Variants in PIEZO2 observed in about 807,000 individuals in gnomAD.
PIEZO2 encodes piezo-type mechanosensitive ion channel component 2.
A neutral mutation model predicts 337.3 loss-of-function variants in PIEZO2; 172 were observed. That is an observed-to-expected ratio of 0.51 (90% confidence interval 0.45 to 0.58). The LOEUF is 0.58. Ranked by LOEUF, PIEZO2 falls within the 20% of genes least tolerant of loss-of-function variation. The pLI is 0.00. For synonymous variants in PIEZO2, 1,251 were observed against 1,228.5 expected (o/e 1.02, Z -0.38); for missense variants, 3,028 against 3,391.3 (o/e 0.89, Z 2.66).
chr18:10,816,572 T>C (rs1266932811), intron 7 of PIEZO2, among the ~76,000 whole-genome samples: 2 of 152,176 alleles, frequency 1.3e-5, no homozygotes, highest in African/African-American at 2.4e-5. Context: ...GAAAATTAAT[T>C]ATGCTTACAA....
intron 27 of PIEZO2, among the ~76,000 whole-genome samples, chr18:10,755,519 G>A (rs553746414): frequency 4.3e-4 from 66 of 152,314 alleles, no homozygotes; most frequent in Non-Finnish European, 8.2e-4. Context: ...GAGGCACAGT[G>A]GGCCTGCCCT....
At chr18:10,735,138 G>A (rs1238021330) in intron 35 of PIEZO2, among the ~76,000 whole-genome samples, 94 bp downstream of exon 35, 1 of 152,190 alleles carries the variant, frequency 6.6e-6, no homozygotes, top group East Asian at 1.9e-4. Context: ...CTATAGAACC[G>A]AGAAAATGCA....
chr18:10,875,497 G>C (rs1448015189), intron 4 of PIEZO2, among the ~76,000 whole-genome samples: 2 of 152,182 alleles, frequency 1.3e-5, no homozygotes, highest in African/African-American at 2.4e-5. Flanking sequence ...GGCTGTTTCG[G>C]TGTGGGGCTG....
intron 7 of PIEZO2, among the ~76,000 whole-genome samples, chr18:10,836,492 A>G (rs1289637491): frequency 6.6e-6 from 1 of 152,228 alleles, no homozygotes; most frequent in Non-Finnish European, 1.5e-5. Context: ...GAAAGGAGCT[A>G]CAACTAGAAA....
chr18:11,097,079 C>A lies in PIEZO2; in HGVS notation c.65-30857G>T, dbSNP rs1292703502. Among the ~76,000 whole-genome samples the A allele has an allele frequency of 6.6e-6, 1 of 152,150 alleles. No individual in the cohort carries two copies. Among genetic ancestry groups the A allele is most frequent in the East Asian group, 1.9e-4 (1 of 5,188 alleles). On this transcript the variant is annotated intron_variant, in intron 1 of 55. Coordinates refer to ENST00000674853, the MANE Select transcript of PIEZO2 (RefSeq NM_001378183.1). The surrounding 1 kb of genome is among the most constrained non-coding windows in gnomAD (Gnocchi z 5.0). ...CCAGTGTAGGACGATCTTTTGTATACAAGGCAATTTCATCCTCTCCTTGGA... is the reference window on the plus strand; with the variant it reads ...CCAGTGTAGGACGATCTTTTGTATAAAAGGCAATTTCATCCTCTCCTTGGA...
At position 10,702,058 on chromosome 18, in the gene PIEZO2, C is replaced by G. The variant is rs758499746; in HGVS notation, c.6372G>C (p.Lys2124Asn). The G allele has an allele frequency of 6.5e-6, 10 of 1,536,980 alleles. No individual in the cohort carries two copies. Among genetic ancestry groups the G allele is most frequent in the Non-Finnish European group, 8.7e-6 (10 of 1,146,806 alleles). ...YHPPNIIGVE[K>N]KEGYVLYDLI... is the part of the protein sequence containing the mutation. ...GGTCATAGAGAACATAACCTTCCTT[C>G]TTTTCCACTCCTATGATGTTTGGGG... The change falls in exon 43 of 56, where the codon AAG (lysine) becomes AAC (asparagine). Residue 2124 changes from lysine to asparagine, a missense_variant. By Grantham distance (94) the Lys-to-Asn change is moderately conservative. Around this residue, in one of 5 missense-constraint regions of PIEZO2, gnomAD observed 1,925 missense variants for 2,051.9 expected, o/e 0.94. Coordinates refer to ENST00000674853, the MANE Select transcript of PIEZO2 (RefSeq NM_001378183.1).
intron 1 of PIEZO2, among the ~76,000 whole-genome samples, chr18:11,072,606 C>T (rs530966708): frequency 6.6e-6 from 1 of 152,300 alleles, no homozygotes; most frequent in South Asian, 2.1e-4. Context: ...CTATGCATTT[C>T]ACGTCAATTA....
At chr18:10,963,587 G>C (rs940854770) in intron 3 of PIEZO2, among the ~76,000 whole-genome samples, 2 of 152,096 alleles carry the variant, frequency 1.3e-5, no homozygotes, top group African/African-American at 2.4e-5. Flanking sequence ...CAAATAGATG[G>C]CAGTACTTTT....
Position 11,127,803 on chromosome 18 carries a change from A to G in PIEZO2, c.64+20722T>C, listed in dbSNP as rs12604627. On this transcript the variant is annotated intron_variant, in intron 1 of 55. Transcript: ENST00000674853. This position sits in a 1 kb window ranked among gnomAD's most constrained non-coding sequence, Gnocchi z 4.5. ...TGCATATACGTGTGTGTGTGTGTGC[A>G]TGTGTGTGTGTGTGTGTGTGTGTAT... Among the ~76,000 whole-genome samples, 250 of 146,828 alleles carry G rather than the reference A, an allele frequency of 1.7e-3. No individual in the cohort carries two copies. Among genetic ancestry groups the G allele is most frequent in the African/African-American group, 5.4e-3 (212 of 39,582 alleles).
intron 1 of PIEZO2, among the ~76,000 whole-genome samples, chr18:11,115,811 C>T (rs1372455377): frequency 3.3e-5 from 5 of 151,926 alleles, no homozygotes. Flanking sequence ...AAATAAAATG[C>T]CGTAAGTGCT....
At position 10,894,180 on chromosome 18, in the gene PIEZO2, C is replaced by T. The variant is rs2042831249; in HGVS notation, c.329+17006G>A. 6.6e-6 allele frequency among the ~76,000 whole-genome samples: 1 copy of T among 152,074 alleles called. No individual in the cohort carries two copies. Among genetic ancestry groups the T allele is most frequent in the African/African-American group, 2.4e-5 (1 of 41,414 alleles). ...ATTAAGAGGCAAAATGGGCCAAGTG[C>T]GGTGGCTCACACCTGTAATCCCAGC... On this transcript the variant is annotated intron_variant, in intron 4 of 55. Coordinates refer to ENST00000674853, the MANE Select transcript of PIEZO2 (RefSeq NM_001378183.1). This position sits in a 1 kb window ranked among gnomAD's most constrained non-coding sequence, Gnocchi z 4.1.
chr18:10,816,527 T>C (rs950400518), intron 7 of PIEZO2, among the ~76,000 whole-genome samples: 1 of 152,200 alleles, frequency 6.6e-6, no homozygotes, highest in Non-Finnish European at 1.5e-5. Flanking sequence ...TAATCAGAAA[T>C]GTTTTCAAAG....
intron 7 of PIEZO2, among the ~76,000 whole-genome samples, chr18:10,838,813 G>C (rs2041100132): frequency 6.6e-6 from 1 of 152,172 alleles, no homozygotes; most frequent in Non-Finnish European, 1.5e-5. Context: ...CCCATGACCA[G>C]CTGGTCTTCC....
rs2036717410 is a variant in PIEZO2, at chr18:11,031,057, T to C, written c.160+35070A>G. On this transcript the variant is annotated intron_variant, in intron 2 of 55. Coordinates refer to ENST00000674853, the MANE Select transcript of PIEZO2 (RefSeq NM_001378183.1). This position sits in a 1 kb window ranked among gnomAD's most constrained non-coding sequence, Gnocchi z 4.7. ...CAGGCTGGAGTGCAGTGGCGTGATC[T>C]TGGCTCATTGCAAACGCCGCCTCCC... 6.6e-6 allele frequency among the ~76,000 whole-genome samples: 1 copy of C among 152,166 alleles called. No homozygotes were observed. The highest frequency in any genetic ancestry group is 1.9e-4 in the East Asian group (1 of 5,194).
intron 2 of PIEZO2, among the ~76,000 whole-genome samples, chr18:11,030,834 G>T (rs2036710329): frequency 1.3e-5 from 2 of 152,136 alleles, no homozygotes; most frequent in Admixed American, 6.5e-5. Context: ...ATAAAAACAA[G>T]CATCTAGACA....
At chr18:10,785,282 C>A (rs1476674077) in intron 16 of PIEZO2, among the ~76,000 whole-genome samples, 1 of 152,174 alleles carries the variant, frequency 6.6e-6, no homozygotes, top group Non-Finnish European at 1.5e-5. Context: ...ATGATCTCCC[C>A]CTTTTCTATT....
rs1186816453 is a variant in PIEZO2, at chr18:11,131,463, T to C, written c.64+17062A>G. 2.6e-5 allele frequency among the ~76,000 whole-genome samples: 4 copies of C among 152,142 alleles called. No individual in the cohort carries two copies. The highest frequency in any genetic ancestry group is 5.9e-5 in the Non-Finnish European group (4 of 68,020). On this transcript the variant is annotated intron_variant, in intron 1 of 55. Transcript: ENST00000674853. This position sits in a 1 kb window ranked among gnomAD's most constrained non-coding sequence, Gnocchi z 5.3. ...AGACTAGGGCCTGGTTCACAGATAG[T>C]TCTGCACGATATGTAGGCACCATGT...
rs573577441 is a variant in PIEZO2 at position 10,847,737 on chromosome 18, C to G, written c.917+7616G>C. On this transcript the variant is annotated intron_variant, in intron 7 of 55. Coordinates refer to ENST00000674853, the MANE Select transcript of PIEZO2 (RefSeq NM_001378183.1). The surrounding 1 kb of genome is among the most constrained non-coding windows in gnomAD (Gnocchi z 5.7). ...CCTTTCAGATAAGCATAAATGAACT[C>G]TGAATGAGACCTGTAGAATAAGTCA... is the stretch of plus-strand genomic sequence containing the variant. Among the ~76,000 whole-genome samples, 4 of 152,310 alleles carry G rather than the reference C, an allele frequency of 2.6e-5. No individual in the cohort carries two copies. The South Asian group carries it at 8.3e-4, about 32-fold the overall frequency.
chr18:11,143,850 C>T lies in PIEZO2; in HGVS notation c.64+4675G>A, dbSNP rs1375988352. On this transcript the variant is annotated intron_variant, in intron 1 of 55. Coordinates refer to ENST00000674853, the MANE Select transcript of PIEZO2 (RefSeq NM_001378183.1). The surrounding 1 kb of genome is among the most constrained non-coding windows in gnomAD (Gnocchi z 4.9). Reference sequence around the variant, plus strand: ...GCTCATCTTCATAAAGGTAAGGCAGCGCCTGCTGTGTGTCAGGCTTTATAC... The same window carrying T: ...GCTCATCTTCATAAAGGTAAGGCAGTGCCTGCTGTGTGTCAGGCTTTATAC... 2.0e-5 allele frequency among the ~76,000 whole-genome samples: 3 copies of T among 152,210 alleles called. No homozygotes were observed. Among genetic ancestry groups the T allele is most frequent in the Admixed American group, 6.5e-5 (1 of 15,290 alleles).
Sources: allele counts gnomAD v4.1 joint callset (sites outside exome capture counted in the v4.1 genomes callset), GRCh38; gene constraint gnomAD v4.1.1; regional missense constraint gnomAD v4.1.1; non-coding constraint Gnocchi (gnomAD v3.1); transcripts MANE v1.5; gene names NCBI Gene and HGNC (gene_info 2026-07-23, HGNC 2026-07-21).